The following RUNX1 variants were observed in gnomAD, a reference collection of about 807,000 sequenced individuals.
The protein encoded by RUNX1 is RUNX family transcription factor 1.
RUNX1 carries 19 observed loss-of-function variants against 42.8 expected under a neutral mutation model. The ratio of observed to expected loss-of-function variants is 0.44; its 90% confidence interval spans 0.31 to 0.65. The LOEUF (loss-of-function observed/expected upper bound fraction) is 0.65. RUNX1 is among the 30% of genes least tolerant of loss of function. The pLI is 0.07. For missense variants in RUNX1, 528 were observed against 672.0 expected, an observed-to-expected ratio of 0.79 and a Z score of 2.37; for synonymous variants, 271 against 289.4, an observed-to-expected ratio of 0.94 and a Z score of 0.64.
At chr21:34,931,353 T>TAC (rs1002240716) in intron 2 of RUNX1, among the ~76,000 whole-genome samples, 7 of 139,624 alleles carry the variant, frequency 5.0e-5, no homozygotes, top group African/African-American at 2.0e-4. Flanking sequence ...TATATATACA[T>TAC]GTGTATATAT....
At chr21:34,898,930 T>G (rs2058152697) in intron 2 of RUNX1, among the ~76,000 whole-genome samples, 1 of 152,116 alleles carries the variant, frequency 6.6e-6, no homozygotes, top group Non-Finnish European at 1.5e-5. Context: ...ATTTTTATTT[T>G]TTAGACAGAG....
intron 2 of RUNX1, among the ~76,000 whole-genome samples, chr21:35,000,780 CCTAATCT>C: frequency 6.6e-6 from 1 of 152,164 alleles, no homozygotes; most frequent in Non-Finnish European, 1.5e-5. Flanking sequence ...GGTATGGCCT[CCTAATCT>C]GAGTTCTGTT....
intron 2 of RUNX1, among the ~76,000 whole-genome samples, chr21:34,980,543 C>T (rs72613618): frequency 0.014 from 2,200 of 152,288 alleles, 78 homozygotes; most frequent in East Asian, 0.14. Context: ...CATCACTGAA[C>T]AAAGAGACAC....
At chr21:34,886,708 C>A in intron 4 of RUNX1, 135 bp downstream of exon 4, 1 of 1,398,220 alleles carries the variant, frequency 7.2e-7, no homozygotes, top group South Asian at 1.3e-5. Flanking sequence ...ACATCCCAAG[C>A]TAGGAAGACC....
chr21:34,791,974 C>T lies in RUNX1; in HGVS notation c.*161G>A, dbSNP rs1039902427. On this transcript the variant is annotated 3_prime_UTR_variant, in exon 9 of 9. Transcript: ENST00000675419. ...TCTGGGCGCAGGAGGCTGCGCGGGCCTGACCTACAGCGAGATCCTGGCCGT... is the reference window on the plus strand; with the variant it reads ...TCTGGGCGCAGGAGGCTGCGCGGGCTTGACCTACAGCGAGATCCTGGCCGT... 1.2e-4 allele frequency: 56 copies of T among 449,130 alleles called. No individual in the cohort carries two copies. The highest frequency in any genetic ancestry group is 1.2e-3 in the African/African-American group (55 of 46,990). The allele number at this position is 449,130 out of a possible 1,614,324, so 27.8% of individuals were successfully genotyped here. A position where few individuals can be genotyped will look rare whatever the true frequency, so the allele number is the denominator to read the frequency against.
intron 2 of RUNX1, among the ~76,000 whole-genome samples, chr21:34,969,522 A>G (rs527244222): frequency 2.0e-5 from 3 of 152,156 alleles, no homozygotes; most frequent in African/African-American, 4.8e-5. Context: ...CTTCTGCCTG[A>G]CCCAATTATC....
chr21:34,797,947 G>A (rs893663518), intron 8 of RUNX1: 11 of 447,096 alleles, frequency 2.5e-5, no homozygotes, highest in African/African-American at 1.2e-4. Flanking sequence ...AATATTCTCC[G>A]ATGCTCAGGA....
chr21:34,989,210 T>C (rs2058917325), intron 2 of RUNX1, among the ~76,000 whole-genome samples: 1 of 152,010 alleles, frequency 6.6e-6, no homozygotes, highest in African/African-American at 2.4e-5. Flanking sequence ...GGTTTCTCCA[T>C]ATTGGCCAGG....
chr21:34,821,179 G>A, intron 7 of RUNX1: 6 of 1,008,084 alleles, frequency 6.0e-6, no homozygotes, highest in Non-Finnish European at 7.1e-6. Context: ...GACACCGGGG[G>A]AATTATCGCA....
intron 2 of RUNX1, among the ~76,000 whole-genome samples, chr21:34,917,730 C>T (rs1265211821): frequency 6.6e-6 from 1 of 152,114 alleles, no homozygotes; most frequent in East Asian, 1.9e-4. Flanking sequence ...GGGGCTTGGT[C>T]AGTATGAAAG....
intron 2 of RUNX1, among the ~76,000 whole-genome samples, chr21:35,029,183 A>T (rs184871524): frequency 8.3e-4 from 126 of 152,154 alleles, no homozygotes; most frequent in Non-Finnish European, 1.1e-3. Context: ...TGGGTTGTCA[A>T]CTCAAATGCC....
intron 3 of RUNX1, among the ~76,000 whole-genome samples, chr21:34,890,141 G>A (rs940847006): frequency 6.6e-6 from 1 of 151,970 alleles, no homozygotes; most frequent in African/African-American, 2.4e-5. Context: ...CTGGCGTGGA[G>A]GCCTTTCCCG....
rs555974420 is a variant in RUNX1, at chr21:35,042,774, C to T, written c.58+6068G>A. Among the ~76,000 whole-genome samples the T allele has an allele frequency of 1.0e-3, 154 of 152,306 alleles. 1 individual carries two copies. Among genetic ancestry groups the T allele is most frequent in the African/African-American group, 3.3e-3 (138 of 41,562 alleles). ...GACTGCTCACTCTGGAACTCCTGCCCGTCTGCTCAAGCCACTGTGGTCAGC... is the reference window on the plus strand; with the variant it reads ...GACTGCTCACTCTGGAACTCCTGCCTGTCTGCTCAAGCCACTGTGGTCAGC... On this transcript the variant is annotated intron_variant, in intron 2 of 8. Coordinates refer to ENST00000675419, the MANE Select transcript of RUNX1 (RefSeq NM_001754.5).
chr21:34,907,170 G>A lies in RUNX1; in HGVS notation c.59-14207C>T, dbSNP rs182252170. On this transcript the variant is annotated intron_variant, in intron 2 of 8. Coordinates refer to ENST00000675419, the MANE Select transcript of RUNX1 (RefSeq NM_001754.5). The surrounding 1 kb of genome is among the most constrained non-coding windows in gnomAD (Gnocchi z 5.3). Reference sequence around the variant, plus strand: ...CACTTTCCTGGTGTACAGTCTTTGGGGGCTCTTGACAGCAAGAAAACCTAA... The same window carrying A: ...CACTTTCCTGGTGTACAGTCTTTGGAGGCTCTTGACAGCAAGAAAACCTAA... Among the ~76,000 whole-genome samples the A allele has an allele frequency of 7.6e-3, 1,159 of 152,240 alleles. 5 individuals are homozygous for A. Among genetic ancestry groups the A allele is most frequent in the Middle Eastern group, 0.027 (8 of 294 alleles).
chr21:34,938,421 C>T (rs1569114628), intron 2 of RUNX1, among the ~76,000 whole-genome samples: 2 of 152,290 alleles, frequency 1.3e-5, no homozygotes, highest in East Asian at 3.9e-4. Context: ...TACATTCTCT[C>T]AGTCTAATAT....
intron 5 of RUNX1, among the ~76,000 whole-genome samples, chr21:34,878,069 G>A (rs1181850665): frequency 1.3e-5 from 2 of 151,252 alleles, no homozygotes; most frequent in African/African-American, 4.9e-5. Flanking sequence ...TTAATAAAAC[G>A]TAATGAAACT....
intron 6 of RUNX1, among the ~76,000 whole-genome samples, chr21:34,841,959 C>T (rs2057242822): frequency 6.6e-6 from 1 of 152,280 alleles, no homozygotes; most frequent in Non-Finnish European, 1.5e-5. Flanking sequence ...GCCATGTCTC[C>T]AGCACCTATA....
At chr21:34,980,501 T>TA (rs1421952116) in intron 2 of RUNX1, among the ~76,000 whole-genome samples, 1 of 152,202 alleles carries the variant, frequency 6.6e-6, no homozygotes, top group African/African-American at 2.4e-5. Context: ...AATCTCTCTT[T>TA]ATTCCCGTCT....
chr21:35,047,551 A>T (rs867095428), intron 2 of RUNX1, among the ~76,000 whole-genome samples: 6,827 of 88,700 alleles, frequency 0.077, 282 homozygotes, highest in Non-Finnish European at 0.094. Context: ...ACACACACAC[A>T]CACACACACA....
Sources: gnomAD v4.1 joint callset for allele counts (sites outside exome capture counted in the v4.1 genomes callset) on GRCh38, gnomAD v4.1.1 for gene constraint, Gnocchi (gnomAD v3.1) non-coding constraint, MANE v1.5 for transcripts, NCBI Gene and HGNC (gene_info 2026-07-23, HGNC 2026-07-21) for gene names.